The following PDE4B variants were observed in gnomAD, a reference collection of about 807,000 sequenced individuals.
The protein encoded by PDE4B is phosphodiesterase 4B.
A neutral mutation model predicts 82.2 loss-of-function variants in PDE4B; 20 were observed. The observed-to-expected ratio is 0.24, with a 90% CI of 0.17 to 0.35. The LOEUF (loss-of-function observed/expected upper bound fraction) is 0.35, where lower values mean the gene tolerates loss of function less well. Among genes scored for constraint, PDE4B ranks in the 10% least tolerant of loss-of-function variants. The probability of loss-of-function intolerance (pLI) is 1.00; values close to 1 mark genes in which losing one functional copy is unlikely to be tolerated. For synonymous variants in PDE4B, 320 were observed against 318.9 expected, an observed-to-expected ratio of 1.00 and a Z score of -0.04; for missense variants, 655 against 907.2, an observed-to-expected ratio of 0.72 and a Z score of 3.57.
chr1:66,061,154 A>G (rs1655564652), intron 3 of PDE4B, among the ~76,000 whole-genome samples: 2 of 151,234 alleles, frequency 1.3e-5, no homozygotes, highest in African/African-American at 4.9e-5. Context: ...AGCAAGAAAC[A>G]TGAACTCAGG....
chr1:65,814,879 A>G (rs1645862479), intron 1 of PDE4B, among the ~76,000 whole-genome samples: 2 of 151,918 alleles, frequency 1.3e-5, no homozygotes, highest in Admixed American at 1.3e-4. Flanking sequence ...TTTTGCATGG[A>G]TATATGTTTT....
intron 1 of PDE4B, among the ~76,000 whole-genome samples, chr1:65,882,456 CT>C (rs1347824382): frequency 6.6e-6 from 1 of 152,092 alleles, no homozygotes. Context: ...AGTGTAAGAA[CT>C]TTTTTTCTCA....
At chr1:65,972,805 G>A (rs1650213900) in intron 3 of PDE4B, among the ~76,000 whole-genome samples, 1 of 152,102 alleles carries the variant, frequency 6.6e-6, no homozygotes, top group Non-Finnish European at 1.5e-5. Context: ...CTACAAGCAA[G>A]CCTTTTCAGT....
At chr1:66,010,497 T>A (rs1652423991) in intron 3 of PDE4B, among the ~76,000 whole-genome samples, 1 of 151,816 alleles carries the variant, frequency 6.6e-6, no homozygotes, top group Non-Finnish European at 1.5e-5. Flanking sequence ...CCTAGTATAC[T>A]ATCTAATTTA....
intron 3 of PDE4B, among the ~76,000 whole-genome samples, chr1:66,194,071 G>T (rs1648062786): frequency 6.6e-6 from 1 of 150,478 alleles, no homozygotes; most frequent in African/African-American, 2.4e-5. Flanking sequence ...GCTGCACTTT[G>T]AACTAACTCA....
At chr1:66,162,305 C>CTTTTTT (rs1168144080) in intron 3 of PDE4B, among the ~76,000 whole-genome samples, 1,018 of 39,894 alleles carry the variant, frequency 0.026, 145 homozygotes, top group Non-Finnish European at 0.03. Flanking sequence ...ATGGACTTCT[C>CTTTTTT]TTTTTTTTTT....
At chr1:66,299,844 G>C (rs1657760929) in intron 7 of PDE4B, among the ~76,000 whole-genome samples, 1 of 152,096 alleles carries the variant, frequency 6.6e-6, no homozygotes, top group Non-Finnish European at 1.5e-5. Flanking sequence ...CTAATGTGTT[G>C]AGAGTTTTTA....
At chr1:66,224,606 C>T in intron 3 of PDE4B, among the ~76,000 whole-genome samples, 1 of 152,182 alleles carries the variant, frequency 6.6e-6, no homozygotes, top group Non-Finnish European at 1.5e-5. Context: ...GTAATCCCAG[C>T]TACTCAGGAG....
intron 1 of PDE4B, among the ~76,000 whole-genome samples, chr1:65,880,531 G>A (rs1303689707): frequency 1.3e-5 from 2 of 152,158 alleles, no homozygotes; most frequent in Non-Finnish European, 2.9e-5. Context: ...ATTAGGTGAT[G>A]AGGATGCAGC....
At chr1:66,065,827 T>TATCA (rs1484226738) in intron 3 of PDE4B, among the ~76,000 whole-genome samples, 1 of 151,904 alleles carries the variant, frequency 6.6e-6, no homozygotes, top group Non-Finnish European at 1.5e-5. Context: ...TAAGAGTAGA[T>TATCA]ATCAATGAAT....
At chr1:66,184,257 G>T (rs1256501853) in intron 3 of PDE4B, among the ~76,000 whole-genome samples, 3 of 152,110 alleles carry the variant, frequency 2.0e-5, no homozygotes, top group South Asian at 2.1e-4. Flanking sequence ...AGAAAATCTG[G>T]CTCATGGTGC....
chr1:65,863,585 T>C (rs1006990750), intron 1 of PDE4B, among the ~76,000 whole-genome samples: 3 of 152,200 alleles, frequency 2.0e-5, no homozygotes, highest in African/African-American at 7.2e-5. Context: ...TGTTGATCTG[T>C]GTAATATTGA....
chr1:66,272,558 T>A (rs1486941489), intron 7 of PDE4B, among the ~76,000 whole-genome samples: 1 of 152,140 alleles, frequency 6.6e-6, no homozygotes, highest in Non-Finnish European at 1.5e-5. Context: ...TGACTTTGAG[T>A]AGCATCTTCA....
chr1:66,145,402 G>A (rs533942201), intron 3 of PDE4B, among the ~76,000 whole-genome samples: 17 of 152,272 alleles, frequency 1.1e-4, no homozygotes, highest in Non-Finnish European at 1.5e-4. Flanking sequence ...ATGCTGGAGA[G>A]CGTTGCAACA....
intron 3 of PDE4B, among the ~76,000 whole-genome samples, chr1:65,982,924 C>G (rs1454339729): frequency 6.6e-6 from 1 of 152,182 alleles, no homozygotes; most frequent in Non-Finnish European, 1.5e-5. Context: ...GCCATCGCCT[C>G]ATTGGTTCCA....
At chr1:66,022,104 C>T (rs1653159020) in intron 3 of PDE4B, among the ~76,000 whole-genome samples, 1 of 152,112 alleles carries the variant, frequency 6.6e-6, no homozygotes, top group African/African-American at 2.4e-5. Context: ...CGTGATTTGG[C>T]TCTCTGTCTG....
intron 3 of PDE4B, among the ~76,000 whole-genome samples, chr1:65,974,266 G>T (rs1316049382): frequency 6.6e-6 from 1 of 152,144 alleles, no homozygotes; most frequent in Non-Finnish European, 1.5e-5. Context: ...CAATAATTAT[G>T]ATGTGATCAA....
chr1:65,840,946 G>A (rs370566140), intron 1 of PDE4B, among the ~76,000 whole-genome samples: 221 of 152,312 alleles, frequency 1.5e-3, no homozygotes, highest in Middle Eastern at 6.8e-3. Flanking sequence ...GAATACAGGT[G>A]TAGGGTATTT....
chr1:65,951,910 T>C (rs1399723051), intron 3 of PDE4B, among the ~76,000 whole-genome samples: 1 of 152,032 alleles, frequency 6.6e-6, no homozygotes, highest in African/African-American at 2.4e-5. Flanking sequence ...CCCGATACTC[T>C]AAGGTTTGGC....
Sources: gnomAD v4.1 joint callset for allele counts (sites outside exome capture counted in the v4.1 genomes callset) on GRCh38, gnomAD v4.1.1 for gene constraint, MANE v1.5 for transcripts, NCBI Gene and HGNC (gene_info 2026-07-23, HGNC 2026-07-21) for gene names.